The following CFHR4 variants were observed in gnomAD, a reference collection of about 807,000 sequenced individuals.
CFHR4 encodes the protein complement factor H related 4, also known as complement factor H-related protein 4.
In CFHR4, 64 loss-of-function variants were observed where a neutral mutation model predicts 69.3. That is an observed-to-expected ratio of 0.92 (90% CI 0.76 to 1.14). CFHR4 has a LOEUF of 1.14. Among genes scored for constraint, CFHR4 ranks in the 50% most tolerant of loss-of-function variants. CFHR4 has a pLI of 0.00. For synonymous variants in CFHR4, 244 were observed against 237.0 expected (o/e 1.03, Z -0.27); for missense variants, 636 against 684.9 (o/e 0.93, Z 0.80).
In CFHR4 at chr1:196,905,216, C is replaced by A; in HGVS notation, c.365C>A (p.Ala122Glu). The A allele has an allele frequency of 6.2e-7, 1 of 1,611,438 alleles. No homozygotes were observed. Among genetic ancestry groups the A allele is most frequent in the Non-Finnish European group, 8.5e-7 (1 of 1,178,890 alleles). ...ETQYNCKPGY[A>E]TAEGNSSGSI... Reference sequence around the variant, plus strand: ...CAATATAATTGTAAACCAGGATATGCAACAGCAGAGGGAAATTCTTCAGGA... The same window carrying A: ...CAATATAATTGTAAACCAGGATATGAAACAGCAGAGGGAAATTCTTCAGGA... Residue 122 changes from alanine to glutamate, a missense_variant, in exon 3 of 10, where the codon GCA becomes GAA. Coordinates refer to ENST00000608469, the MANE Select transcript of CFHR4 (RefSeq NM_001201550.3).
intron 1 of CFHR4, among the ~76,000 whole-genome samples, chr1:196,898,655 T>C (rs1657435125): frequency 6.6e-6 from 1 of 151,628 alleles, no homozygotes; most frequent in South Asian, 2.1e-4. Flanking sequence ...TAAAAACATA[T>C]TTGCTTAAAA....
intron 1 of CFHR4, among the ~76,000 whole-genome samples, chr1:196,897,195 G>A (rs368237207): frequency 1.3e-5 from 2 of 151,640 alleles, no homozygotes; most frequent in East Asian, 1.9e-4. Context: ...GGACGTGCGA[G>A]AGGGGTGTTA....
In CFHR4 at chr1:196,902,508, AAT is replaced by A. The variant is rs1222977345; in HGVS notation, c.150_151del (p.Gln50HisfsTer7). On this transcript the variant is annotated frameshift_variant, in exon 2 of 10. Coordinates refer to ENST00000608469, the MANE Select transcript of CFHR4 (RefSeq NM_001201550.3). LOFTEE classifies it high-confidence loss of function. The stretch of plus-strand genomic sequence containing the variant: ...CTATACTTTCCAGCAGCTGCAGGAC[AAT>A]CTTATTCCTATTACTGTGATCAAAA... 1 of 1,611,296 alleles carries A rather than the reference AAT, an allele frequency of 6.2e-7. No homozygotes were observed.
At chr1:196,916,325 A>T (rs2124978895) in intron 9 of CFHR4, among the ~76,000 whole-genome samples, 1 of 151,980 alleles carries the variant, frequency 6.6e-6, no homozygotes, top group Non-Finnish European at 1.5e-5. Context: ...ATGTCAGATA[A>T]CCTATTCCTA....
intron 7 of CFHR4, 33 bp from the exon 8 acceptor site, chr1:196,914,462 A>T (rs1658460540): frequency 1.3e-6 from 2 of 1,592,056 alleles, no homozygotes; most frequent in East Asian, 2.3e-5. Flanking sequence ...CGTATGGCAT[A>T]GAAAAGCAAT....
intron 5 of CFHR4, among the ~76,000 whole-genome samples, chr1:196,909,301 A>G (rs1658107511): frequency 6.6e-6 from 1 of 151,520 alleles, no homozygotes; most frequent in South Asian, 2.1e-4. Context: ...CTAAAGAAGC[A>G]AAGAGCATTC....
At chr1:196,903,018 C>T (rs1474668297) in intron 2 of CFHR4, among the ~76,000 whole-genome samples, 2 of 151,012 alleles carry the variant, frequency 1.3e-5, no homozygotes, top group Non-Finnish European at 2.9e-5. Context: ...TCTAATTTAC[C>T]TTTAAATCAT....
At chr1:196,898,789 C>T (rs1571421890) in intron 1 of CFHR4, among the ~76,000 whole-genome samples, 1 of 151,528 alleles carries the variant, frequency 6.6e-6, no homozygotes, top group Non-Finnish European at 1.5e-5. Context: ...GCTGCAGTGA[C>T]CTGACAACTT....
chr1:196,913,029 A>G, intron 7 of CFHR4, 107 bp downstream of exon 7: 1 of 1,570,134 alleles, frequency 6.4e-7, no homozygotes, highest in Non-Finnish European at 8.7e-7. Flanking sequence ...GAGTAAAGAG[A>G]TACAAATACT....
chr1:196,917,294 C>T (rs984715282), intron 9 of CFHR4, among the ~76,000 whole-genome samples: 3 of 151,844 alleles, frequency 2.0e-5, no homozygotes, highest in Non-Finnish European at 2.9e-5. Flanking sequence ...TAAGAACTGA[C>T]ATTTTTATCA....
intron 1 of CFHR4, among the ~76,000 whole-genome samples, chr1:196,898,962 G>A (rs1657452300): frequency 6.6e-6 from 1 of 151,564 alleles, no homozygotes; most frequent in Admixed American, 6.6e-5. Flanking sequence ...GTAGGAGGAA[G>A]CCTTCATGTC....
chr1:196,915,596 T>C (rs1047459159), intron 9 of CFHR4, among the ~76,000 whole-genome samples: 30 of 150,616 alleles, frequency 2.0e-4, no homozygotes, highest in African/African-American at 7.1e-4. Flanking sequence ...GATTGCACCA[T>C]TGCCCTCCAG....
intron 5 of CFHR4, 131 bp from the exon 6 acceptor site, chr1:196,910,150 T>TA (rs368112020): frequency 0.12 from 48,329 of 417,482 alleles, 39 homozygotes; most frequent in Middle Eastern, 0.14. Flanking sequence ...AAATTTCATC[T>TA]AAAAAAAAAA....
chr1:196,902,421 T>C lies in CFHR4; in HGVS notation c.62T>C (p.Val21Ala), dbSNP rs78624607. 1,981 of 1,601,254 alleles carry C rather than the reference T, an allele frequency of 1.2e-3. 75 individuals are homozygous for C. In the African/African-American group the frequency reaches 0.024, roughly 20 times the overall value. The change falls in exon 2 of 10, where the codon GTG becomes GCG. Residue 21 changes from valine to alanine, a missense_variant. Coordinates refer to ENST00000608469, the MANE Select transcript of CFHR4 (RefSeq NM_001201550.3). ...LWVSCANGQE[V>A]KPCDFPEIQH... ...GTTTTTTGTTTTTTATTACAAGAAG[T>C]GAAACCTTGTGATTTTCCAGAAATT...
chr1:196,888,712 C>T (rs1382417960), intron 1 of CFHR4, among the ~76,000 whole-genome samples: 1 of 151,114 alleles, frequency 6.6e-6, no homozygotes, highest in Non-Finnish European at 1.5e-5. Context: ...ATCTAATTAA[C>T]ATTAATATGA....
intron 6 of CFHR4, 82 bp downstream of exon 6, chr1:196,910,560 C>A: frequency 8.6e-7 from 1 of 1,169,440 alleles, no homozygotes; most frequent in Non-Finnish European, 1.2e-6. Context: ...ATTACATTGT[C>A]TTATATGACA....
intron 7 of CFHR4, among the ~76,000 whole-genome samples, chr1:196,914,202 C>T (rs1478324663): frequency 1.3e-5 from 2 of 151,310 alleles, no homozygotes; most frequent in Non-Finnish European, 2.9e-5. Context: ...TAGTAGTAGA[C>T]TTTAATAACA....
intron 1 of CFHR4, among the ~76,000 whole-genome samples, chr1:196,894,244 A>G (rs1168793160): frequency 6.6e-6 from 1 of 151,674 alleles, no homozygotes; most frequent in Admixed American, 6.6e-5. Context: ...GTTTTAAACC[A>G]AAGTTACAAC....
At chr1:196,913,004 A>G in intron 7 of CFHR4, 82 bp downstream of exon 7, 2 of 1,598,502 alleles carry the variant, frequency 1.3e-6, no homozygotes, top group South Asian at 2.2e-5. Context: ...TTAAAAATAT[A>G]GAAAACACTT....
Sources: gnomAD v4.1 joint callset for allele counts (sites outside exome capture counted in the v4.1 genomes callset) on GRCh38, gnomAD v4.1.1 for gene constraint, MANE v1.5 for transcripts, NCBI Gene and HGNC (gene_info 2026-07-23, HGNC 2026-07-21) for gene names.